The following ENOSF1 variants were observed in gnomAD, a reference collection of about 807,000 sequenced individuals.
ENOSF1 encodes the protein enolase superfamily member 1, also known as mitochondrial enolase superfamily member 1.
A neutral mutation model predicts 68.2 loss-of-function variants in ENOSF1; 73 were observed. That is an observed-to-expected ratio of 1.07 (90% CI 0.89 to 1.30). The LOEUF (loss-of-function observed/expected upper bound fraction) is 1.30, where lower values mean the gene tolerates loss of function less well. ENOSF1 is among the 50% of genes most tolerant of loss of function. The pLI is 0.00. For synonymous variants in ENOSF1, 223 were observed against 210.4 expected (o/e 1.06, Z -0.52); for missense variants, 589 against 554.5 (o/e 1.06, Z -0.62).
rs2075007593 is a variant in ENOSF1 at position 670,811 on chromosome 18, A to G, written c.*3494T>C. On this transcript the variant is annotated 3_prime_UTR_variant, in exon 16 of 16. Coordinates refer to ENST00000647584, the MANE Select transcript of ENOSF1 (RefSeq NM_017512.7). ...AGACATGGGCCTCGGTGTGCCTTTC[A>G]ACATCGCCAGCTACGCCCTGCTCAC... 1 of 1,613,944 alleles carries G rather than the reference A, an allele frequency of 6.2e-7. No homozygotes were observed.
At chr18:669,297 T>C (rs538535029), downstream of ENOSF1, 1 of 552,968 alleles carries the variant, frequency 1.8e-6, no homozygotes, top group Non-Finnish European at 2.9e-6. Context: ...ACATGGTTGA[T>C]TGTGTGACGT....
At chr18:686,030 C>T in intron 9 of ENOSF1, 22 bp from the exon 10 acceptor site, 1 of 1,585,290 alleles carries the variant, frequency 6.3e-7, no homozygotes, top group Non-Finnish European at 8.7e-7. Flanking sequence ...ATTTGGTTTG[C>T]TAGTTTAGAC....
In ENOSF1 at chr18:712,559, G is replaced by A. The variant is rs766581721; in HGVS notation, c.29C>T (p.Ser10Leu). The A allele has an allele frequency of 2.6e-6, 4 of 1,539,330 alleles. No individual in the cohort carries two copies. The Admixed American group carries it at 5.9e-5, about 23-fold the overall frequency. ...CGTGGGGAAGCGCACGTCCCGGACC[G>A]AGAGCCGGGAGATCCTGCCGCGCAC... MVRGRISRL[S>L]VRDVRFPTSL... The change falls in exon 1 of 16, where the codon TCG becomes TTG. Residue 10 changes from serine (S) to leucine (L), a missense_variant. Coordinates refer to ENST00000647584, the MANE Select transcript of ENOSF1 (RefSeq NM_017512.7).
chr18:671,313 G>C lies in ENOSF1; in HGVS notation c.*2992C>G. On this transcript the variant is annotated 3_prime_UTR_variant, in exon 16 of 16. Transcript: ENST00000647584. ...CCTTGCGGTGTCTGCATATTCTAAT[G>C]TTTTTAAATGATGTTTTAAAGAATT... 1 of 1,065,728 alleles carries C rather than the reference G, an allele frequency of 9.4e-7. No homozygotes were observed. Among genetic ancestry groups the C allele is most frequent in the Non-Finnish European group, 1.5e-6 (1 of 682,560 alleles). 66.0% of individuals were successfully genotyped at this position (1,065,728 alleles called of 1,614,324 possible). A position where few individuals can be genotyped will look rare whatever the true frequency, so the allele number is the denominator to read the frequency against.
chr18:699,897 T>A (rs907727707), intron 2 of ENOSF1, among the ~76,000 whole-genome samples: 3 of 152,186 alleles, frequency 2.0e-5, no homozygotes, highest in African/African-American at 7.2e-5. Context: ...TTGGCCAACA[T>A]GGTGAAACCC....
intron 4 of ENOSF1, 125 bp from the exon 5 acceptor site, chr18:694,033 T>C (rs547957696): frequency 8.8e-7 from 1 of 1,135,412 alleles, no homozygotes; most frequent in South Asian, 1.4e-5. Flanking sequence ...CCCCCTCTAC[T>C]GCTGCCTGCG....
In ENOSF1 at chr18:671,225, TAAC is replaced by T. The variant is rs1481936067; in HGVS notation, c.*3077_*3079del. 1.2e-5 allele frequency: 8 copies of T among 652,246 alleles called. No individual in the cohort carries two copies. The highest frequency in any genetic ancestry group is 1.8e-5 in the African/African-American group (1 of 54,910). 40.4% of individuals were successfully genotyped at this position (652,246 alleles called of 1,614,324 possible). On this transcript the variant is annotated 3_prime_UTR_variant, in exon 16 of 16. Transcript: ENST00000647584. ...GAGTTCAATACCAGCCTGGGCAACA[TAAC>T]AAGATGCTGTTGCTACAAAAAAATG...
chr18:698,632 T>TTATTAC (rs1197402983), intron 2 of ENOSF1, among the ~76,000 whole-genome samples: 1 of 152,010 alleles, frequency 6.6e-6, no homozygotes. Flanking sequence ...TTAATTATTA[T>TTATTAC]TTTTTAGAGA....
chr18:667,603 ATGGT>A (rs1567991063), downstream of ENOSF1: 15 of 105,150 alleles, frequency 1.4e-4, 3 homozygotes, highest in East Asian at 3.8e-4. Flanking sequence ...GGTGATGGTG[ATGGT>A]GATGGAGATG....
chr18:709,629 G>C (rs1307367150), intron 1 of ENOSF1, among the ~76,000 whole-genome samples: 2 of 152,028 alleles, frequency 1.3e-5, no homozygotes, highest in African/African-American at 4.8e-5. Context: ...AAATTAGCCA[G>C]GTGTGGTGGT....
intron 9 of ENOSF1, 166 bp from the exon 10 acceptor site, chr18:686,174 G>C (rs541142967): frequency 6.6e-6 from 4 of 609,512 alleles, no homozygotes; most frequent in African/African-American, 3.7e-5. Flanking sequence ...AATAAACCTG[G>C]GAACTTTATC....
chr18:668,441 G>A (rs1332867553), downstream of ENOSF1, among the ~76,000 whole-genome samples: 1 of 152,198 alleles, frequency 6.6e-6, no homozygotes, highest in East Asian at 1.9e-4. Context: ...TTAAAATCCA[G>A]AGACCAGAAA....
chr18:703,255 T>C (rs1360521526), intron 2 of ENOSF1, among the ~76,000 whole-genome samples: 2 of 152,096 alleles, frequency 1.3e-5, no homozygotes, highest in Non-Finnish European at 2.9e-5. Flanking sequence ...GTGAAGGCCC[T>C]AAACACTGAG....
intron 2 of ENOSF1, among the ~76,000 whole-genome samples, chr18:697,931 T>C (rs2077919300): frequency 6.6e-6 from 1 of 152,120 alleles, no homozygotes; most frequent in Non-Finnish European, 1.5e-5. Context: ...GAAGCTAGGA[T>C]TACAGGCATG....
In ENOSF1 at chr18:673,709, AGT is replaced by A; in HGVS notation, c.*594_*595del. ...AAAATATAATGACCATTTAGGATAG[AGT>A]TTTTTTTTTTTTTTTTTAAACTTTT... On this transcript the variant is annotated 3_prime_UTR_variant, in exon 16 of 16. Coordinates refer to ENST00000647584, the MANE Select transcript of ENOSF1 (RefSeq NM_017512.7). 1 of 125,930 alleles carries A rather than the reference AGT, an allele frequency of 7.9e-6. No homozygotes were observed. The highest frequency in any genetic ancestry group is 1.6e-5 in the Non-Finnish European group (1 of 63,986). 7.8% of individuals were successfully genotyped at this position (125,930 alleles called of 1,614,324 possible).
chr18:672,984 A>T lies in ENOSF1; in HGVS notation c.*1321T>A, dbSNP rs763389486. On this transcript the variant is annotated 3_prime_UTR_variant, in exon 16 of 16. Transcript: ENST00000647584. ...AATCCGCATCCAACTATTAAAATGG[A>T]AATGGCTGTTTAGGGTGCTTTCAAA... 1.3e-6 allele frequency: 2 copies of T among 1,568,876 alleles called. No homozygotes were observed. The highest frequency in any genetic ancestry group is 1.7e-6 in the Non-Finnish European group (2 of 1,145,516).
downstream of ENOSF1, among the ~76,000 whole-genome samples, chr18:666,127 C>A (rs2074810830): frequency 9.9e-6 from 1 of 101,320 alleles, no homozygotes; most frequent in African/African-American, 6.3e-5. Flanking sequence ...TTAAAGTCTC[C>A]CATTATTAAT....
Position 683,377 on chromosome 18 carries a change from T to C in ENOSF1, c.745A>G (p.Met249Val). The C allele has an allele frequency of 1.9e-6, 3 of 1,613,924 alleles. No homozygotes were observed. Among genetic ancestry groups the C allele is most frequent in the Non-Finnish European group, 2.5e-6 (3 of 1,179,972 alleles). Residue 249 changes from methionine to valine, a missense_variant, in exon 11 of 16, where the codon ATG becomes GTG. Coordinates refer to ENST00000647584, the MANE Select transcript of ENOSF1 (RefSeq NM_017512.7). ...DMIGPEKTLM[M>V]DANQRWDVPE... is the part of the protein sequence containing the mutation. The stretch of plus-strand genomic sequence containing the variant: ...ACATCCCAGCGCTGGTTGGCATCCA[T>C]CATCTGCAAAAAGAGACTCTTCACA...
rs559346114 is a variant in ENOSF1, at chr18:670,817, G to T, written c.*3488C>A. ...GGGCCTCGGTGTGCCTTTCAACATC[G>T]CCAGCTACGCCCTGCTCACGTACAT... On this transcript the variant is annotated 3_prime_UTR_variant, in exon 16 of 16. Transcript: ENST00000647584. 1 of 1,614,018 alleles carries T rather than the reference G, an allele frequency of 6.2e-7. No homozygotes were observed. The highest frequency in any genetic ancestry group is 8.5e-7 in the Non-Finnish European group (1 of 1,180,026).
Sources: allele counts gnomAD v4.1 joint callset (sites outside exome capture counted in the v4.1 genomes callset), GRCh38; gene constraint gnomAD v4.1.1; transcripts MANE v1.5; gene names NCBI Gene and HGNC (gene_info 2026-07-23, HGNC 2026-07-21).